Variants in SLC24A4 observed in about 807,000 individuals in gnomAD.
SLC24A4 encodes solute carrier family 24 member 4, also known as sodium/potassium/calcium exchanger 4.
SLC24A4 carries 53 observed loss-of-function variants against 79.0 expected under a neutral mutation model. That is an observed-to-expected ratio of 0.67 (90% CI 0.54 to 0.84). SLC24A4 has a LOEUF of 0.84. SLC24A4 is among the 40% of genes least tolerant of loss of function. The pLI is 0.00. For missense variants in SLC24A4, 731 were observed against 822.0 expected, an observed-to-expected ratio of 0.89 and a Z score of 1.35; for synonymous variants, 323 against 323.8, an observed-to-expected ratio of 1.00 and a Z score of 0.03.
chr14:92,459,747 C>T lies in SLC24A4; in HGVS notation c.1255+3139C>T, dbSNP rs539851400. Among the ~76,000 whole-genome samples the T allele has an allele frequency of 6.6e-4, 101 of 152,222 alleles. 1 individual carries two copies. Among genetic ancestry groups the T allele is most frequent in the African/African-American group, 2.4e-3 (101 of 41,522 alleles). ...GGAACGGAGTTGTACAGCTGCTTCT[C>T]GTTTAGGTGTGTACAGCTGCCTAGG... is the stretch of plus-strand genomic sequence containing the variant. On this transcript the variant is annotated intron_variant, in intron 12 of 16. Coordinates refer to ENST00000532405, the MANE Select transcript of SLC24A4 (RefSeq NM_153646.4).
intron 10 of SLC24A4, 50 bp downstream of exon 10, chr14:92,449,266 C>T (rs1892994932): frequency 6.3e-7 from 1 of 1,590,978 alleles, no homozygotes; most frequent in Non-Finnish European, 8.6e-7. Context: ...GGAAGCCACT[C>T]TCTCCTCTTT....
chr14:92,440,714 T>C (rs1416193708), intron 4 of SLC24A4, among the ~76,000 whole-genome samples: 1 of 151,676 alleles, frequency 6.6e-6, no homozygotes, highest in Non-Finnish European at 1.5e-5. Context: ...TGTCAAGGGC[T>C]TAGTGAGAGA....
chr14:92,454,998 A>G (rs934546380), intron 11 of SLC24A4, among the ~76,000 whole-genome samples: 2 of 150,982 alleles, frequency 1.3e-5, no homozygotes, highest in East Asian at 2.0e-4. Flanking sequence ...TGGGATTTAT[A>G]GTATCTTTTT....
rs1214565516 is a variant in SLC24A4, at chr14:92,444,920, TATACACACACATACAC to T, written c.658-395_658-380del. Among the ~76,000 whole-genome samples, 244 of 123,412 alleles carry T rather than the reference TATACACACACATACAC, an allele frequency of 2.0e-3. 2 individuals carry two copies. The highest frequency in any genetic ancestry group is 2.7e-3 in the Non-Finnish European group (167 of 62,234). 81.0% of individuals were successfully genotyped at this position (123,412 alleles called of 152,430 possible). ...ACCATATATACACACACACACCCTATATACACACACATACACACACACACACACACACACACACACA... is the reference window on the plus strand; with the variant it reads ...ACCATATATACACACACACACCCTATACACACACACACACACACACACACA... On this transcript the variant is annotated intron_variant, in intron 7 of 16. Coordinates refer to ENST00000532405, the MANE Select transcript of SLC24A4 (RefSeq NM_153646.4).
At chr14:92,484,546 G>A (rs1370556672) in intron 13 of SLC24A4, 1 of 985,284 alleles carries the variant, frequency 1.0e-6, no homozygotes. Flanking sequence ...CTCTGTGATT[G>A]TGTTTTAGTG....
At chr14:92,406,162 C>G (rs111534754) in intron 2 of SLC24A4, among the ~76,000 whole-genome samples, 11,934 of 152,280 alleles carry the variant, frequency 0.078, 742 homozygotes, top group African/African-American at 0.15. Context: ...TCTTAAAGCT[C>G]CAAAATAATC....
chr14:92,408,493 G>A (rs1254536216), intron 2 of SLC24A4: 1 of 915,220 alleles, frequency 1.1e-6, no homozygotes, highest in African/African-American at 1.8e-5. Flanking sequence ...AATGATGGCT[G>A]TGAGGAGTGA....
Position 92,469,589 on chromosome 14 carries a change from A to G in SLC24A4, c.1255+12981A>G, listed in dbSNP as rs559705663. On this transcript the variant is annotated intron_variant, in intron 12 of 16. Transcript: ENST00000532405. ...TTCTGTATTTAAGAGGGATGAAAAT[A>G]TATGTCCACATGCAAACTTATACAC... is the stretch of plus-strand genomic sequence containing the variant. 2.3e-3 allele frequency among the ~76,000 whole-genome samples: 350 copies of G among 152,338 alleles called. 2 individuals are homozygous for G. The highest frequency in any genetic ancestry group is 8.2e-3 in the African/African-American group (340 of 41,570).
intron 14 of SLC24A4, among the ~76,000 whole-genome samples, chr14:92,488,121 G>C (rs1321219398): frequency 2.0e-5 from 3 of 148,806 alleles, no homozygotes; most frequent in Non-Finnish European, 4.5e-5. Flanking sequence ...ACCCAGGCTG[G>C]AGTACAATGG....
Position 92,449,107 on chromosome 14 carries a change from C to A in SLC24A4, c.771C>A (p.Val257=). The stretch of plus-strand genomic sequence containing the variant: ...TGAAGATGCAAGCCTTTTTCACAGT[C>A]AAACAAAAGAGCATTGCAAACGGTA... ...YNVKMQAFFT[V]KQKSIANGNP... is the part of the protein sequence containing the mutation. Residue 257 remains valine (V), a synonymous_variant, in exon 10 of 17, where the codon GTC becomes GTA. Coordinates refer to ENST00000532405, the MANE Select transcript of SLC24A4 (RefSeq NM_153646.4). 1.2e-6 allele frequency: 2 copies of A among 1,614,184 alleles called. No homozygotes were observed. Among genetic ancestry groups the A allele is most frequent in the African/African-American group, 1.3e-5 (1 of 75,062 alleles).
rs533020128 is a variant in SLC24A4, at chr14:92,476,560, G to A, written c.1256-6120G>A. 6.0e-4 allele frequency among the ~76,000 whole-genome samples: 92 copies of A among 152,100 alleles called. 1 individual carries two copies. The Middle Eastern group carries it at 0.027, about 45-fold the overall frequency. On this transcript the variant is annotated intron_variant, in intron 12 of 16. Coordinates refer to ENST00000532405, the MANE Select transcript of SLC24A4 (RefSeq NM_153646.4). ...TCTACTTTGCAATTTTTAAAATTGAGATGTAATTTATATGCCATAAAATTC... is the reference window on the plus strand; with the variant it reads ...TCTACTTTGCAATTTTTAAAATTGAAATGTAATTTATATGCCATAAAATTC...
chr14:92,484,669 G>A, intron 13 of SLC24A4: 1 of 985,402 alleles, frequency 1.0e-6, no homozygotes, highest in Non-Finnish European at 1.2e-6. Flanking sequence ...CCTTGGTTCA[G>A]CTAAATGGGG....
intron 12 of SLC24A4, among the ~76,000 whole-genome samples, chr14:92,476,631 C>T (rs1266356074): frequency 2.6e-5 from 4 of 152,120 alleles, no homozygotes; most frequent in African/African-American, 9.7e-5. Context: ...CACAGAGCTG[C>T]GCAGCCATCA....
chr14:92,459,850 C>A lies in SLC24A4; in HGVS notation c.1255+3242C>A, dbSNP rs774498674. 1.4e-4 allele frequency among the ~76,000 whole-genome samples: 22 copies of A among 152,166 alleles called. 1 individual carries two copies. Among genetic ancestry groups the A allele is most frequent in the Admixed American group, 5.2e-4 (8 of 15,286 alleles). ...TGAGACTCCGCCCCCGACAGAAATACCCTGTATCCAGCTCCTGGCCCTGCC... is the reference window on the plus strand; with the variant it reads ...TGAGACTCCGCCCCCGACAGAAATAACCTGTATCCAGCTCCTGGCCCTGCC... On this transcript the variant is annotated intron_variant, in intron 12 of 16. Transcript: ENST00000532405.
chr14:92,438,956 C>T (rs55917802), intron 3 of SLC24A4, among the ~76,000 whole-genome samples: 22,371 of 152,172 alleles, frequency 0.15, 1,952 homozygotes, highest in African/African-American at 0.23. Context: ...GTGCCCCCAG[C>T]CACCAGTCAC....
At chr14:92,433,105 G>T (rs1379050422) in intron 2 of SLC24A4, among the ~76,000 whole-genome samples, 2 of 152,194 alleles carry the variant, frequency 1.3e-5, no homozygotes, top group Non-Finnish European at 2.9e-5. Context: ...GGGAAGTGTG[G>T]ATCCTTGCCT....
chr14:92,389,678 C>G (rs1210661415), intron 2 of SLC24A4, among the ~76,000 whole-genome samples: 1 of 152,202 alleles, frequency 6.6e-6, no homozygotes, highest in Non-Finnish European at 1.5e-5. Context: ...CCCAAGTCAC[C>G]TGGCTCCTCG....
intron 2 of SLC24A4, among the ~76,000 whole-genome samples, chr14:92,392,662 T>C (rs775678984): frequency 2.3e-4 from 35 of 152,130 alleles, no homozygotes; most frequent in Non-Finnish European, 4.4e-5. Flanking sequence ...AATGTTGGTG[T>C]CCCCCAAATC....
chr14:92,487,688 G>T (rs768629914), intron 14 of SLC24A4, among the ~76,000 whole-genome samples: 2 of 152,174 alleles, frequency 1.3e-5, no homozygotes, highest in Non-Finnish European at 2.9e-5. Context: ...TGATGTGAGC[G>T]TGTTAGTTTC....
Sources: allele counts gnomAD v4.1 joint callset (sites outside exome capture counted in the v4.1 genomes callset), GRCh38; gene constraint gnomAD v4.1.1; transcripts MANE v1.5; gene names NCBI Gene and HGNC (gene_info 2026-07-23, HGNC 2026-07-21).